Variants in SNTG2 observed in about 807,000 individuals in gnomAD.
SNTG2 encodes syntrophin gamma 2.
SNTG2 carries 74 observed loss-of-function variants against 70.9 expected under a neutral mutation model. The observed-to-expected ratio is 1.04, with a 90% CI of 0.86 to 1.27. The LOEUF (loss-of-function observed/expected upper bound fraction) is 1.27. Among genes scored for constraint, SNTG2 ranks in the 50% most tolerant of loss-of-function variants. The pLI, the probability that SNTG2 is intolerant of heterozygous loss-of-function variation, is 0.00. For missense variants in SNTG2, 717 were observed against 690.7 expected (o/e 1.04, Z -0.43); for synonymous variants, 278 against 273.8 (o/e 1.02, Z -0.15).
intron 16 of SNTG2, among the ~76,000 whole-genome samples, chr2:1,339,549 A>G (rs1158289202): frequency 1.3e-5 from 2 of 152,162 alleles, no homozygotes; most frequent in South Asian, 2.1e-4. Flanking sequence ...AGCTGTTTTT[A>G]TATTTTTCCA....
chr2:1,363,463 T>G (rs777073994), intron 16 of SNTG2, among the ~76,000 whole-genome samples: 5 of 152,200 alleles, frequency 3.3e-5, no homozygotes, highest in Non-Finnish European at 7.3e-5. Context: ...TGTCATTGTA[T>G]TAGGCTGACA....
At chr2:1,096,804 T>A (rs1332043176) in intron 2 of SNTG2, among the ~76,000 whole-genome samples, 1 of 152,206 alleles carries the variant, frequency 6.6e-6, no homozygotes, top group Non-Finnish European at 1.5e-5. Context: ...TGTTACTCTG[T>A]CCATTGGTGC....
chr2:1,266,610 G>A (rs183692205), intron 13 of SNTG2, among the ~76,000 whole-genome samples: 16 of 152,156 alleles, frequency 1.1e-4, no homozygotes, highest in East Asian at 1.9e-4. Context: ...CAATGAACCC[G>A]CAAGGAGAGG....
rs150879227 is a variant in SNTG2 at position 982,990 on chromosome 2, G to A, written c.72+31922G>A. Among the ~76,000 whole-genome samples, 615 of 152,058 alleles carry A rather than the reference G, an allele frequency of 4.0e-3. 4 individuals carry two copies. The highest frequency in any genetic ancestry group is 0.014 in the African/African-American group (593 of 41,388). The stretch of plus-strand genomic sequence containing the variant: ...GTCAGGATGAAGCAGAAGCTGCAGG[G>A]GTGGTGGTCAGGATGAAGAAGCTGC... On this transcript the variant is annotated intron_variant, in intron 1 of 16. Coordinates refer to ENST00000308624, the MANE Select transcript of SNTG2 (RefSeq NM_018968.4).
chr2:989,937 G>A (rs922311504), intron 1 of SNTG2, among the ~76,000 whole-genome samples: 1 of 152,216 alleles, frequency 6.6e-6, no homozygotes, highest in Non-Finnish European at 1.5e-5. Context: ...GGAAGCCAAG[G>A]GGACCCTGCT....
intron 16 of SNTG2, among the ~76,000 whole-genome samples, chr2:1,354,169 A>T (rs1005062620): frequency 6.6e-6 from 1 of 152,230 alleles, no homozygotes; most frequent in African/African-American, 2.4e-5. Context: ...AGGCATTAGG[A>T]CAGATATATT....
chr2:1,224,019 G>T (rs1675576715), intron 9 of SNTG2, among the ~76,000 whole-genome samples: 1 of 151,010 alleles, frequency 6.6e-6, no homozygotes, highest in Non-Finnish European at 1.5e-5. Flanking sequence ...GGTCAGTCTG[G>T]TGAGGGCCTG....
intron 15 of SNTG2, among the ~76,000 whole-genome samples, chr2:1,310,998 T>C (rs1680957724): frequency 6.6e-6 from 1 of 152,210 alleles, no homozygotes; most frequent in Non-Finnish European, 1.5e-5. Context: ...TCCTTTTGCT[T>C]GACAGCGTGC....
At chr2:1,031,342 C>G (rs975084435) in intron 1 of SNTG2, among the ~76,000 whole-genome samples, 4 of 151,564 alleles carry the variant, frequency 2.6e-5, no homozygotes, top group African/African-American at 9.7e-5. Flanking sequence ...CCTCCCCTCT[C>G]AGGGAACAGT....
chr2:1,274,240 G>A (rs7572730), intron 14 of SNTG2, among the ~76,000 whole-genome samples: 13 of 152,104 alleles, frequency 8.5e-5, no homozygotes, highest in African/African-American at 2.7e-4. Context: ...AGACAAATTC[G>A]CCACAAGATC....
chr2:1,128,165 A>G (rs1228250587), intron 4 of SNTG2, among the ~76,000 whole-genome samples: 1 of 108,500 alleles, frequency 9.2e-6, no homozygotes, highest in Admixed American at 9.8e-5. Flanking sequence ...AAATTTTATT[A>G]AATGCTTTTT....
At chr2:977,775 T>C (rs901994730) in intron 1 of SNTG2, among the ~76,000 whole-genome samples, 2 of 152,090 alleles carry the variant, frequency 1.3e-5, no homozygotes, top group Non-Finnish European at 2.9e-5. Context: ...GTCACGGCCA[T>C]GTGGTTCTTC....
chr2:1,078,118 A>C (rs953903365), intron 1 of SNTG2, among the ~76,000 whole-genome samples: 7 of 152,294 alleles, frequency 4.6e-5, no homozygotes, highest in African/African-American at 1.7e-4. Context: ...TGCATGGATA[A>C]AGTTACAAGG....
At chr2:1,253,799 G>A (rs1198786163) in intron 12 of SNTG2, among the ~76,000 whole-genome samples, 1 of 152,180 alleles carries the variant, frequency 6.6e-6, no homozygotes, top group Non-Finnish European at 1.5e-5. Context: ...AACTTACAGT[G>A]TGGCAGAAGG....
chr2:1,173,738 C>T (rs1323888977), intron 8 of SNTG2, among the ~76,000 whole-genome samples: 1 of 152,202 alleles, frequency 6.6e-6, no homozygotes, highest in Non-Finnish European at 1.5e-5. Flanking sequence ...CTCACACTCT[C>T]CTTCCTCAGA....
intron 8 of SNTG2, among the ~76,000 whole-genome samples, chr2:1,206,531 A>AG (rs1441013680): frequency 6.6e-6 from 1 of 152,190 alleles, no homozygotes; most frequent in African/African-American, 2.4e-5. Context: ...TAGCTCACAG[A>AG]GACCTGACTT....
At chr2:1,118,025 C>T (rs1667146436) in intron 4 of SNTG2, among the ~76,000 whole-genome samples, 1 of 141,792 alleles carries the variant, frequency 7.1e-6, no homozygotes, top group Non-Finnish European at 1.5e-5. Flanking sequence ...AGAACCAGAG[C>T]TAAAACCTGG....
At chr2:1,207,866 T>A (rs553407773) in intron 8 of SNTG2, among the ~76,000 whole-genome samples, 9 of 152,342 alleles carry the variant, frequency 5.9e-5, no homozygotes, top group African/African-American at 1.7e-4. Context: ...TAGGGTTGGC[T>A]CTTTAAGTGG....
chr2:1,225,325 G>C (rs555300188), intron 9 of SNTG2, among the ~76,000 whole-genome samples: 9 of 152,196 alleles, frequency 5.9e-5, no homozygotes, highest in Non-Finnish European at 1.3e-4. Context: ...TTTAAATGCA[G>C]TTGTTAGTAA....
Sources: gnomAD v4.1 joint callset for allele counts (sites outside exome capture counted in the v4.1 genomes callset) on GRCh38, gnomAD v4.1.1 for gene constraint, MANE v1.5 for transcripts, NCBI Gene and HGNC (gene_info 2026-07-23, HGNC 2026-07-21) for gene names.